BRMS1L: variants seen among roughly 807,000 people sequenced by gnomAD.
BRMS1L encodes the protein BRMS1 like transcriptional repressor, also known as breast cancer metastasis-suppressor 1-like protein.
BRMS1L carries 23 observed loss-of-function variants against 50.3 expected under a neutral mutation model. That is an observed-to-expected ratio of 0.46 (90% confidence interval 0.33 to 0.65). The LOEUF is 0.65. Ranked by LOEUF, BRMS1L falls within the 30% of genes least tolerant of loss-of-function variation. BRMS1L has a pLI of 0.02. For synonymous variants in BRMS1L, 114 were observed against 126.9 expected, an observed-to-expected ratio of 0.90 and a Z score of 0.69; for missense variants, 286 against 386.1, an observed-to-expected ratio of 0.74 and a Z score of 2.17.
At chr14:35,865,350 G>A (rs1043299061) in intron 7 of BRMS1L, among the ~76,000 whole-genome samples, 1 of 152,118 alleles carries the variant, frequency 6.6e-6, no homozygotes, top group Admixed American at 6.5e-5. Flanking sequence ...AATATTTGTT[G>A]AACAAAAGAA....
chr14:35,867,299 GGTAGA>G (rs2078434248), intron 8 of BRMS1L, among the ~76,000 whole-genome samples: 1 of 152,078 alleles, frequency 6.6e-6, no homozygotes. Flanking sequence ...CTGAGGAGTG[GGTAGA>G]GTAGTTAGGG....
intron 4 of BRMS1L, among the ~76,000 whole-genome samples, chr14:35,856,046 T>G (rs1422317332): frequency 6.6e-6 from 1 of 152,196 alleles, no homozygotes; most frequent in Admixed American, 6.5e-5. Flanking sequence ...TGTTCTTACG[T>G]TAGACTCATA....
intron 4 of BRMS1L, among the ~76,000 whole-genome samples, chr14:35,860,520 GTCTGTT>G (rs948070863): frequency 3.3e-5 from 5 of 150,870 alleles, no homozygotes; most frequent in Middle Eastern, 3.4e-3. Flanking sequence ...CATAGCCAGA[GTCTGTT>G]TCTAAGTTTT....
chr14:35,855,705 A>G (rs1453015474), intron 4 of BRMS1L, among the ~76,000 whole-genome samples: 4 of 152,126 alleles, frequency 2.6e-5, no homozygotes, highest in Admixed American at 6.6e-5. Flanking sequence ...TAAATCATCT[A>G]TTATATAATT....
In BRMS1L at chr14:35,871,432, A is replaced by T. The variant is rs1484168608; in HGVS notation, c.*955A>T. 6.6e-6 allele frequency: 1 copy of T among 152,662 alleles called. No homozygotes were observed. The highest frequency in any genetic ancestry group is 1.9e-4 in the East Asian group (1 of 5,202). The allele number at this position is 152,662 out of a possible 1,614,324, so 9.5% of individuals were successfully genotyped here. A position where few individuals can be genotyped will look rare whatever the true frequency, so the allele number is the denominator to read the frequency against. ...TTTTCTTTGGTATTTCTACACTTTA[A>T]GGCCATTTGGTGCAATTTAGAAAGT... On this transcript the variant is annotated 3_prime_UTR_variant, in exon 10 of 10. Transcript: ENST00000216807.
intron 2 of BRMS1L, among the ~76,000 whole-genome samples, chr14:35,832,349 C>CA (rs869067604): frequency 0.051 from 3,161 of 61,672 alleles, 34 homozygotes; most frequent in East Asian, 0.13. Context: ...CTAAAAAATA[C>CA]AAAAAAAAAA....
At chr14:35,862,898 C>T (rs148276451) in intron 5 of BRMS1L, among the ~76,000 whole-genome samples, 692 of 152,228 alleles carry the variant, frequency 4.5e-3, no homozygotes, top group African/African-American at 0.015. Context: ...ATGGAGCACA[C>T]GACAAGGGAC....
At chr14:35,829,327 A>C (rs1358204375) in intron 1 of BRMS1L, among the ~76,000 whole-genome samples, 2 of 152,210 alleles carry the variant, frequency 1.3e-5, no homozygotes, top group Non-Finnish European at 2.9e-5. Context: ...ATCTCATAAA[A>C]TTCTATTTGT....
rs2078169775 is a variant in BRMS1L, at chr14:35,848,737, G to A, written c.441+13814G>A. ...TCTTTCTATGCCTGACTTATTTAATGTTAGTAATGTCCTCTAGGTTCATTC... is the reference window on the plus strand; with the variant it reads ...TCTTTCTATGCCTGACTTATTTAATATTAGTAATGTCCTCTAGGTTCATTC... On this transcript the variant is annotated intron_variant, in intron 4 of 9. Transcript: ENST00000216807. 2.0e-5 allele frequency among the ~76,000 whole-genome samples: 3 copies of A among 152,218 alleles called. No homozygotes were observed. The South Asian group carries it at 6.2e-4, about 32-fold the overall frequency.
intron 4 of BRMS1L, among the ~76,000 whole-genome samples, chr14:35,835,882 C>T (rs770323565): frequency 6.6e-6 from 1 of 152,008 alleles, no homozygotes; most frequent in Non-Finnish European, 1.5e-5. Flanking sequence ...CAAAAAAACC[C>T]CATAGTGCCC....
chr14:35,857,256 T>A (rs1466299125), intron 4 of BRMS1L, among the ~76,000 whole-genome samples: 15 of 140,378 alleles, frequency 1.1e-4, no homozygotes, highest in Admixed American at 4.3e-4. Context: ...AAAAAATATA[T>A]ATATATATGT....
rs1195543991 is a variant in BRMS1L at position 35,870,340 on chromosome 14, TC to T, written c.855-19del. On this transcript the variant is annotated intron_variant, in intron 9 of 9. Coordinates refer to ENST00000216807, the MANE Select transcript of BRMS1L (RefSeq NM_032352.4). The stretch of plus-strand genomic sequence containing the variant: ...GAGACATTGTAATTCATTCATTCAT[TC>T]TTTTTTTTTTCTTTTTAGTGCTGTA... 2.2e-6 allele frequency: 3 copies of T among 1,369,998 alleles called. No individual in the cohort carries two copies. The highest frequency in any genetic ancestry group is 3.1e-6 in the Non-Finnish European group (3 of 977,108). The allele number at this position is 1,369,998 out of a possible 1,614,324, so 84.9% of individuals were successfully genotyped here.
Position 35,854,355 on chromosome 14 carries a change from A to C in BRMS1L, c.442-8235A>C, listed in dbSNP as rs80170150. Among the ~76,000 whole-genome samples, 1,307 of 152,246 alleles carry C rather than the reference A, an allele frequency of 8.6e-3. 24 individuals carry two copies. The highest frequency in any genetic ancestry group is 0.03 in the African/African-American group (1,238 of 41,530). On this transcript the variant is annotated intron_variant, in intron 4 of 9. Transcript: ENST00000216807. ...CTAGGATGACAGTTATTTTCTCTTA[A>C]AGTTTTTAGGATCTTACTTTCCACA...
intron 9 of BRMS1L, among the ~76,000 whole-genome samples, chr14:35,869,063 AT>A (rs1388103613): frequency 6.6e-6 from 1 of 152,160 alleles, no homozygotes; most frequent in Admixed American, 6.5e-5. Flanking sequence ...TACAGTATGC[AT>A]TTTCCAAATA....
At position 35,842,314 on chromosome 14, in the gene BRMS1L, C is replaced by G. The variant is rs556644226; in HGVS notation, c.441+7391C>G. Reference sequence around the variant, plus strand: ...TGGTATGTTTTTGCAGTGGCTGGTACCAGTTTTTCCTTTTCATATTTAGTG... The same window carrying G: ...TGGTATGTTTTTGCAGTGGCTGGTAGCAGTTTTTCCTTTTCATATTTAGTG... On this transcript the variant is annotated intron_variant, in intron 4 of 9. Coordinates refer to ENST00000216807, the MANE Select transcript of BRMS1L (RefSeq NM_032352.4). Among the ~76,000 whole-genome samples the G allele has an allele frequency of 5.8e-4, 88 of 152,166 alleles. No homozygotes were observed. The East Asian group carries it at 0.016, about 27-fold the overall frequency.
chr14:35,862,562 C>T (rs753640237), intron 4 of BRMS1L, 28 bp from the exon 5 acceptor site: 28 of 1,497,790 alleles, frequency 1.9e-5, no homozygotes, highest in Non-Finnish European at 2.2e-5. Flanking sequence ...TTTCTTTCTA[C>T]TTAAGTATAA....
intron 4 of BRMS1L, among the ~76,000 whole-genome samples, chr14:35,845,777 C>G (rs1418965554): frequency 6.6e-6 from 1 of 152,116 alleles, no homozygotes; most frequent in African/African-American, 2.4e-5. Context: ...GGGGGTTTTA[C>G]TGGGTTGCCC....
intron 4 of BRMS1L, among the ~76,000 whole-genome samples, chr14:35,851,412 T>C (rs920757260): frequency 2.7e-5 from 4 of 149,418 alleles, no homozygotes; most frequent in African/African-American, 7.4e-5. Flanking sequence ...GTAGATACTA[T>C]GCTACTCTTT....
intron 1 of BRMS1L, among the ~76,000 whole-genome samples, chr14:35,827,373 T>A (rs1047423139): frequency 1.4e-4 from 22 of 152,232 alleles, no homozygotes; most frequent in Admixed American, 5.9e-4. Context: ...TTGCAAACTT[T>A]TAGGAATGGT....
Sources: allele counts gnomAD v4.1 joint callset (sites outside exome capture counted in the v4.1 genomes callset), GRCh38; gene constraint gnomAD v4.1.1; transcripts MANE v1.5; gene names NCBI Gene and HGNC (gene_info 2026-07-23, HGNC 2026-07-21).